ARHGAP10: variants seen among roughly 807,000 people sequenced by gnomAD.
ARHGAP10 encodes Rho GTPase activating protein 10, also known as rho GTPase-activating protein 10.
Under a neutral mutation model 108.6 loss-of-function variants are expected in ARHGAP10, and 87 were observed. That is an observed-to-expected ratio of 0.80 (90% CI 0.67 to 0.96). The LOEUF is 0.96. Among genes scored for constraint, ARHGAP10 ranks in the 40% least tolerant of loss-of-function variants. The pLI is 0.00. For missense variants in ARHGAP10, 939 were observed against 954.5 expected (o/e 0.98, Z 0.21); for synonymous variants, 347 against 341.1 (o/e 1.02, Z -0.19).
intron 1 of ARHGAP10, among the ~76,000 whole-genome samples, chr4:147,822,433 A>C (rs1440176340): frequency 6.6e-6 from 1 of 152,176 alleles, no homozygotes; most frequent in Non-Finnish European, 1.5e-5. Flanking sequence ...AGAAAGGGAG[A>C]ATACTTTAGG....
chr4:147,846,882 C>T (rs1044795949), intron 3 of ARHGAP10, among the ~76,000 whole-genome samples: 1 of 152,122 alleles, frequency 6.6e-6, no homozygotes, highest in African/African-American at 2.4e-5. Flanking sequence ...TACAGACAGC[C>T]GTCTTGCTGT....
At chr4:147,844,982 C>T (rs75988127) in intron 3 of ARHGAP10, among the ~76,000 whole-genome samples, 9,606 of 152,148 alleles carry the variant, frequency 0.063, 969 homozygotes, top group African/African-American at 0.21. Context: ...CCCACAAGGC[C>T]CGGCACGCTC....
chr4:147,835,412 G>A (rs779921047), intron 3 of ARHGAP10, among the ~76,000 whole-genome samples: 11 of 151,270 alleles, frequency 7.3e-5, no homozygotes, highest in Admixed American at 3.3e-4. Flanking sequence ...TTGCTCTGTC[G>A]CCCAGGCTGG....
At chr4:147,988,168 G>A (rs1418761188) in intron 18 of ARHGAP10, among the ~76,000 whole-genome samples, 2 of 132,642 alleles carry the variant, frequency 1.5e-5, no homozygotes, top group Non-Finnish European at 3.2e-5. Context: ...CAGATGGAGC[G>A]TGTGTGTCTG....
Position 147,928,629 on chromosome 4 carries a change from G to A in ARHGAP10, c.1229-11196G>A, listed in dbSNP as rs367769946. On this transcript the variant is annotated intron_variant, in intron 13 of 22. Transcript: ENST00000336498. Reference sequence around the variant, plus strand: ...TCTGCTGTTCAAATAATTATCATCCGGGGAAGAACTTACAAATGTTATTGG... The same window carrying A: ...TCTGCTGTTCAAATAATTATCATCCAGGGAAGAACTTACAAATGTTATTGG... Among the ~76,000 whole-genome samples, 11 of 152,094 alleles carry A rather than the reference G, an allele frequency of 7.2e-5. No homozygotes were observed. In the East Asian group the frequency reaches 1.2e-3, roughly 16 times the overall value.
At chr4:147,885,057 G>A (rs1341320148) in intron 10 of ARHGAP10, among the ~76,000 whole-genome samples, 1 of 151,948 alleles carries the variant, frequency 6.6e-6, no homozygotes, top group East Asian at 1.9e-4. Context: ...GGGATAAACT[G>A]GATGTTGCAG....
intron 18 of ARHGAP10, among the ~76,000 whole-genome samples, chr4:147,973,191 G>A (rs766894744): frequency 1.3e-5 from 2 of 152,144 alleles, no homozygotes; most frequent in Admixed American, 6.5e-5. Flanking sequence ...TAAAGCAGGA[G>A]GAAAAGCCAG....
intron 13 of ARHGAP10, among the ~76,000 whole-genome samples, chr4:147,936,801 TA>T (rs1406513559): frequency 1.3e-5 from 2 of 152,166 alleles, no homozygotes; most frequent in African/African-American, 4.8e-5. Flanking sequence ...TGGGCTGCCA[TA>T]ATAAAGTATC....
Position 147,765,743 on chromosome 4 carries a change from T to C in ARHGAP10, c.154+33288T>C, listed in dbSNP as rs371153785. ...TGAACCCAGGAATTTGAGGCTGCAG[T>C]GAGCCATGATTGCACAACTGCACTC... On this transcript the variant is annotated intron_variant, in intron 1 of 22. Coordinates refer to ENST00000336498, the MANE Select transcript of ARHGAP10 (RefSeq NM_024605.4). Among the ~76,000 whole-genome samples the C allele has an allele frequency of 3.2e-4, 48 of 152,202 alleles. No homozygotes were observed. In the South Asian group the frequency reaches 9.6e-3, roughly 30 times the overall value.
chr4:147,954,642 T>A (rs1237442477), intron 15 of ARHGAP10, among the ~76,000 whole-genome samples: 1 of 152,028 alleles, frequency 6.6e-6, no homozygotes, highest in African/African-American at 2.4e-5. Context: ...AGGTATTCTT[T>A]AAGTGTTTAT....
intron 1 of ARHGAP10, among the ~76,000 whole-genome samples, chr4:147,776,601 C>T (rs1483717161): frequency 6.6e-6 from 1 of 152,130 alleles, no homozygotes; most frequent in Non-Finnish European, 1.5e-5. Context: ...GGGGCTCCCC[C>T]AAGACAGCAA....
intron 1 of ARHGAP10, among the ~76,000 whole-genome samples, chr4:147,743,023 G>GTT (rs879338985): frequency 4.4e-5 from 6 of 137,426 alleles, no homozygotes; most frequent in Non-Finnish European, 4.8e-5. Flanking sequence ...CTGATCGATA[G>GTT]TTTTTTTTTT....
At chr4:147,792,498 T>C (rs1309477969) in intron 1 of ARHGAP10, among the ~76,000 whole-genome samples, 1 of 152,206 alleles carries the variant, frequency 6.6e-6, no homozygotes, top group African/African-American at 2.4e-5. Context: ...ATTTATAATA[T>C]AATGAACACC....
At chr4:147,802,563 T>C (rs1400970919) in intron 1 of ARHGAP10, among the ~76,000 whole-genome samples, 1 of 152,216 alleles carries the variant, frequency 6.6e-6, no homozygotes, top group East Asian at 1.9e-4. Flanking sequence ...GTCTCTACAA[T>C]ATAAATAGTG....
chr4:148,046,855 G>T, intron 19 of ARHGAP10, 37 bp from the exon 20 acceptor site: 2 of 1,585,200 alleles, frequency 1.3e-6, no homozygotes, highest in African/African-American at 2.7e-5. Context: ...TCTTCTCCAG[G>T]TATTTGTTTG....
At chr4:148,015,169 T>C (rs1376598036) in intron 18 of ARHGAP10, among the ~76,000 whole-genome samples, 4 of 152,158 alleles carry the variant, frequency 2.6e-5, no homozygotes, top group Non-Finnish European at 4.4e-5. Context: ...GTCAGCCTCT[T>C]GCGTCTGTAA....
intron 1 of ARHGAP10, among the ~76,000 whole-genome samples, chr4:147,736,390 AT>A (rs1239288488): frequency 6.6e-6 from 1 of 152,102 alleles, no homozygotes; most frequent in African/African-American, 2.4e-5. Context: ...TTTTGGGGAA[AT>A]TTCTTAAGTT....
At chr4:147,891,884 C>T (rs1203387604) in intron 10 of ARHGAP10, among the ~76,000 whole-genome samples, 1 of 152,082 alleles carries the variant, frequency 6.6e-6, no homozygotes, top group Non-Finnish European at 1.5e-5. Context: ...CCTTCCCCCG[C>T]CCCAACAATT....
chr4:147,847,340 G>A, intron 4 of ARHGAP10, 118 bp downstream of exon 4: 1 of 932,940 alleles, frequency 1.1e-6, no homozygotes, highest in Non-Finnish European at 1.6e-6. Context: ...CTGTTGTTTT[G>A]TTTGAAATGT....
Sources: allele counts gnomAD v4.1 joint callset (sites outside exome capture counted in the v4.1 genomes callset), GRCh38; gene constraint gnomAD v4.1.1; transcripts MANE v1.5; gene names NCBI Gene and HGNC (gene_info 2026-07-23, HGNC 2026-07-21).